Variants in PDS5B observed in about 807,000 individuals in gnomAD.
The protein encoded by PDS5B is sister chromatid cohesion protein PDS5 homolog B.
PDS5B carries 51 observed loss-of-function variants against 184.1 expected under a neutral mutation model. The ratio of observed to expected loss-of-function variants is 0.28; its 90% CI spans 0.22 to 0.35. PDS5B has a LOEUF of 0.35. PDS5B is among the 10% of genes least tolerant of loss of function. The probability of loss-of-function intolerance (pLI) is 1.00; values close to 1 mark genes in which losing one functional copy is unlikely to be tolerated. For missense variants in PDS5B, 1,180 were observed against 1,723.3 expected (o/e 0.68, Z 5.58); for synonymous variants, 566 against 569.2 (o/e 0.99, Z 0.08).
chr13:32,597,509 A>C, intron 1 of PDS5B, among the ~76,000 whole-genome samples: 1 of 151,680 alleles, frequency 6.6e-6, no homozygotes, highest in South Asian at 2.1e-4. Context: ...CCTGGGTAAC[A>C]CAGAGAGATC....
intron 1 of PDS5B, among the ~76,000 whole-genome samples, chr13:32,624,186 C>A (rs2058340928): frequency 1.3e-5 from 2 of 152,246 alleles, no homozygotes; most frequent in Admixed American, 1.3e-4. Flanking sequence ...TTTATTCTCC[C>A]TTTTATCCCC....
At chr13:32,588,436 C>A (rs555124985) in intron 1 of PDS5B, among the ~76,000 whole-genome samples, 1 of 152,200 alleles carries the variant, frequency 6.6e-6, no homozygotes, top group African/African-American at 2.4e-5. Flanking sequence ...TAAAAATTAC[C>A]AAAATAGTGA....
intron 1 of PDS5B, among the ~76,000 whole-genome samples, chr13:32,611,919 A>G (rs559572773): frequency 6.6e-6 from 1 of 152,268 alleles, no homozygotes; most frequent in Admixed American, 6.5e-5. Flanking sequence ...CTCCAGCAGA[A>G]TCTTTACTTT....
In PDS5B at chr13:32,684,127, C is replaced by T. The variant is rs930365153; in HGVS notation, c.1203+104C>T. The T allele has an allele frequency of 1.0e-5, 5 of 491,356 alleles. No homozygotes were observed. The Middle Eastern group carries it at 1.8e-3, about 178-fold the overall frequency. 30.4% of individuals were successfully genotyped at this position (491,356 alleles called of 1,614,324 possible). A position where few individuals can be genotyped will look rare whatever the true frequency, so the allele number is the denominator to read the frequency against. ...ATATACATATTTAAATATAATTAGC[C>T]TTTTTTAGGGGTATGGAGGCATTTT... On this transcript the variant is annotated intron_variant, in intron 11 of 34. Coordinates refer to ENST00000315596, the MANE Select transcript of PDS5B (RefSeq NM_015032.4).
chr13:32,766,607 C>CT (rs1954595608), intron 31 of PDS5B, among the ~76,000 whole-genome samples: 1 of 152,268 alleles, frequency 6.6e-6, no homozygotes, highest in African/African-American at 2.4e-5. Context: ...GTCTCATTTG[C>CT]TTGTTACCAG....
In PDS5B at chr13:32,604,375, G is replaced by A. The variant is rs138525983; in HGVS notation, c.-20+17782G>A. ...TGGTTCTGTTTGTATGCTGGATTAC[G>A]TTTATTGATTTGCGTATATTGAACC... On this transcript the variant is annotated intron_variant, in intron 1 of 34. Coordinates refer to ENST00000315596, the MANE Select transcript of PDS5B (RefSeq NM_015032.4). Among the ~76,000 whole-genome samples the A allele has an allele frequency of 9.6e-3, 1,458 of 152,230 alleles. 31 individuals carry two copies. The highest frequency in any genetic ancestry group is 0.034 in the African/African-American group (1,397 of 41,544).
At chr13:32,676,809 T>G (rs185938736) in intron 9 of PDS5B, among the ~76,000 whole-genome samples, 190 of 151,752 alleles carry the variant, frequency 1.3e-3, no homozygotes, top group Non-Finnish European at 2.1e-3. Flanking sequence ...CAGGCACCTG[T>G]AGTCCCAGCT....
At chr13:32,608,307 G>T (rs2058092360) in intron 1 of PDS5B, among the ~76,000 whole-genome samples, 1 of 152,124 alleles carries the variant, frequency 6.6e-6, no homozygotes, top group South Asian at 2.1e-4. Flanking sequence ...CTTTTAAAAA[G>T]TTGCAAAAAT....
At chr13:32,644,605 G>T (rs1950174892) in intron 1 of PDS5B, among the ~76,000 whole-genome samples, 1 of 151,834 alleles carries the variant, frequency 6.6e-6, no homozygotes, top group Admixed American at 6.6e-5. Flanking sequence ...ATGATAGTAG[G>T]TATGTTCCTG....
chr13:32,724,760 T>C (rs1297941299), intron 19 of PDS5B, among the ~76,000 whole-genome samples: 1 of 152,106 alleles, frequency 6.6e-6, no homozygotes, highest in Non-Finnish European at 1.5e-5. Flanking sequence ...TTATGTTGTT[T>C]TGTAGAGACA....
chr13:32,628,708 C>T (rs190763626), intron 1 of PDS5B, among the ~76,000 whole-genome samples: 12 of 152,034 alleles, frequency 7.9e-5, no homozygotes, highest in African/African-American at 2.7e-4. Context: ...CGTGTGCACA[C>T]ACATACACAC....
At chr13:32,625,351 A>G (rs1215614278) in intron 1 of PDS5B, among the ~76,000 whole-genome samples, 1 of 152,196 alleles carries the variant, frequency 6.6e-6, no homozygotes, top group Non-Finnish European at 1.5e-5. Context: ...AGTTGGGACT[A>G]CAGGTATGCT....
intron 1 of PDS5B, among the ~76,000 whole-genome samples, chr13:32,643,603 A>G (rs1950152380): frequency 6.6e-6 from 1 of 151,964 alleles, no homozygotes; most frequent in African/African-American, 2.4e-5. Flanking sequence ...ATAATACTGT[A>G]TTTGTACTGT....
intron 1 of PDS5B, among the ~76,000 whole-genome samples, chr13:32,621,885 A>T (rs1267499219): frequency 6.6e-6 from 1 of 152,154 alleles, no homozygotes; most frequent in Non-Finnish European, 1.5e-5. Context: ...CAAGCCAAAA[A>T]CATTTACTGT....
Position 32,770,431 on chromosome 13 carries a change from A to C in PDS5B, c.3935A>C (p.Lys1312Thr), listed in dbSNP as rs1954741531. 6.2e-7 allele frequency: 1 copy of C among 1,613,554 alleles called. No individual in the cohort carries two copies. Among genetic ancestry groups the C allele is most frequent in the African/African-American group, 1.3e-5 (1 of 74,858 alleles). The change falls in exon 32 of 35, where the codon AAA becomes ACA. Residue 1312 changes from lysine (K) to threonine (T), a missense_variant. Coordinates refer to ENST00000315596, the MANE Select transcript of PDS5B (RefSeq NM_015032.4). Reference sequence around the variant, plus strand: ...GAAGAGCCAACAATGAAAACTTCTAAAAAAGGAAGCAAAAAAAAATCTGGA... The same window carrying C: ...GAAGAGCCAACAATGAAAACTTCTACAAAAGGAAGCAAAAAAAAATCTGGA... ...PKEEPTMKTS[K>T]KGSKKKSGPP...
intron 6 of PDS5B, among the ~76,000 whole-genome samples, chr13:32,665,132 A>G (rs1235950349): frequency 6.6e-6 from 1 of 152,192 alleles, no homozygotes; most frequent in Admixed American, 6.5e-5. Flanking sequence ...ATTACAAGTT[A>G]TCAAAGGGGG....
intron 28 of PDS5B, among the ~76,000 whole-genome samples, chr13:32,759,346 A>G (rs1443735439): frequency 1.3e-5 from 2 of 152,148 alleles, no homozygotes; most frequent in Admixed American, 6.5e-5. Flanking sequence ...GAATATGTAC[A>G]TGTGGTCTTT....
intron 1 of PDS5B, among the ~76,000 whole-genome samples, chr13:32,631,878 A>AATTT (rs1175420578): frequency 1.3e-5 from 2 of 152,248 alleles, no homozygotes; most frequent in African/African-American, 4.8e-5. Context: ...ATTCCTTAAA[A>AATTT]ACGGCAGAAT....
intron 9 of PDS5B, among the ~76,000 whole-genome samples, chr13:32,677,549 T>C (rs1182086342): frequency 1.3e-5 from 2 of 152,148 alleles, no homozygotes; most frequent in African/African-American, 4.8e-5. Context: ...GTAAGGTGCA[T>C]GTTTACCTGA....
Sources: gnomAD v4.1 joint callset for allele counts (sites outside exome capture counted in the v4.1 genomes callset) on GRCh38, gnomAD v4.1.1 for gene constraint, MANE v1.5 for transcripts, NCBI Gene and HGNC (gene_info 2026-07-23, HGNC 2026-07-21) for gene names.